SH3BP5: variants seen among roughly 807,000 people sequenced by gnomAD.
SH3BP5 encodes the protein SH3 domain binding protein 5.
SH3BP5 carries 22 observed loss-of-function variants against 43.3 expected under a neutral mutation model. The ratio of observed to expected loss-of-function variants is 0.51; its 90% CI spans 0.36 to 0.73. SH3BP5 has a LOEUF of 0.73. Among genes scored for constraint, SH3BP5 ranks in the 30% least tolerant of loss-of-function variants. The pLI is 0.00. For missense variants in SH3BP5, 529 were observed against 586.9 expected (o/e 0.90, Z 1.02); for synonymous variants, 255 against 225.8 (o/e 1.13, Z -1.16).
At chr3:15,269,114 T>A (rs543502271) in intron 4 of SH3BP5, among the ~76,000 whole-genome samples, 2 of 152,082 alleles carry the variant, frequency 1.3e-5, no homozygotes, top group South Asian at 4.1e-4. Flanking sequence ...AGAGAGGTGG[T>A]CATGAGAGCC....
intron 2 of SH3BP5, among the ~76,000 whole-genome samples, chr3:15,310,534 G>A (rs1212493431): frequency 6.6e-6 from 1 of 152,134 alleles, no homozygotes; most frequent in Non-Finnish European, 1.5e-5. Context: ...GTCCAGGGAG[G>A]AGAGTAAGCT....
In SH3BP5 at chr3:15,289,017, C is replaced by T. The variant is rs142056415; in HGVS notation, c.330+15086G>A. On this transcript the variant is annotated intron_variant, in intron 3 of 8. Transcript: ENST00000383791. Reference sequence around the variant, plus strand: ...GAGATACAGGTAGTTACCATAGATACGGAGATACAGGTAGATACAGAGATA... The same window carrying T: ...GAGATACAGGTAGTTACCATAGATATGGAGATACAGGTAGATACAGAGATA... Among the ~76,000 whole-genome samples, 29 of 152,262 alleles carry T rather than the reference C, an allele frequency of 1.9e-4. 1 individual carries two copies. The East Asian group carries it at 1.9e-3, about 10-fold the overall frequency.
chr3:15,321,455 T>A (rs1698322838), intron 2 of SH3BP5, among the ~76,000 whole-genome samples: 1 of 151,948 alleles, frequency 6.6e-6, no homozygotes, highest in Admixed American at 6.6e-5. Flanking sequence ...GTTTTTCCCA[T>A]CAGCCTTCAT....
At chr3:15,279,157 C>G (rs749332848) in intron 3 of SH3BP5, among the ~76,000 whole-genome samples, 7 of 151,664 alleles carry the variant, frequency 4.6e-5, no homozygotes, top group African/African-American at 1.7e-4. Flanking sequence ...GCAACAAGAG[C>G]GAAACTCTGT....
chr3:15,274,080 C>T (rs960474535), intron 3 of SH3BP5, among the ~76,000 whole-genome samples: 2 of 152,038 alleles, frequency 1.3e-5, no homozygotes, highest in East Asian at 3.9e-4. Context: ...ACCGTCTCTA[C>T]TAAAAATACA....
intron 1 of SH3BP5, among the ~76,000 whole-genome samples, chr3:15,340,059 T>G (rs1345522906): frequency 6.6e-6 from 1 of 152,156 alleles, no homozygotes; most frequent in Non-Finnish European, 1.5e-5. Flanking sequence ...TGACCCAGCT[T>G]GGGTTAACCA....
chr3:15,324,222 T>G (rs1204709421), intron 2 of SH3BP5, among the ~76,000 whole-genome samples: 1 of 152,218 alleles, frequency 6.6e-6, no homozygotes, highest in African/African-American at 2.4e-5. Flanking sequence ...TGTTATCTCT[T>G]CAGACTATCT....
chr3:15,301,548 G>A (rs9816187), intron 3 of SH3BP5, among the ~76,000 whole-genome samples: 7,032 of 152,198 alleles, frequency 0.046, 514 homozygotes, highest in African/African-American at 0.16. Flanking sequence ...AGCAAGGCAT[G>A]GGGGCTGGGG....
intron 1 of SH3BP5, 65 bp downstream of exon 1, chr3:15,332,206 G>T: frequency 6.5e-7 from 1 of 1,544,496 alleles, no homozygotes; most frequent in Non-Finnish European, 8.7e-7. Flanking sequence ...GGCTGTACGC[G>T]TAGACACCGA....
chr3:15,297,401 C>CT (rs1184768913), intron 3 of SH3BP5, among the ~76,000 whole-genome samples: 1 of 152,008 alleles, frequency 6.6e-6, no homozygotes. Flanking sequence ...TGGTGGTGAT[C>CT]TTTTTTTTAT....
chr3:15,296,928 C>T (rs929566273), intron 3 of SH3BP5, among the ~76,000 whole-genome samples: 1 of 151,534 alleles, frequency 6.6e-6, no homozygotes, highest in Non-Finnish European at 1.5e-5. Flanking sequence ...AACTCCTGGG[C>T]TCAAGCAATC....
At chr3:15,332,124 G>C in intron 1 of SH3BP5, 147 bp downstream of exon 1, 1 of 1,247,448 alleles carries the variant, frequency 8.0e-7, no homozygotes, top group South Asian at 1.4e-5. Flanking sequence ...ATGAAACGGA[G>C]CATACAGACC....
chr3:15,256,439 C>G, intron 8 of SH3BP5, 136 bp from the exon 9 acceptor site: 1 of 887,578 alleles, frequency 1.1e-6, no homozygotes. Context: ...TAACTCAGCC[C>G]TGTAGAAGTC....
intron 3 of SH3BP5, among the ~76,000 whole-genome samples, chr3:15,281,740 C>T (rs915922042): frequency 5.3e-5 from 8 of 152,132 alleles, no homozygotes; most frequent in Non-Finnish European, 1.0e-4. Context: ...CAGTGGCTCA[C>T]GCCTGTAATC....
rs973482763 is a variant in SH3BP5, at chr3:15,258,854, T to C, written c.866A>G (p.Lys289Arg). ...STSVEDLPGS[K>R]PEPDAISVAS... Reference sequence around the variant, plus strand: ...ACCAGAAATGGCATCAGGCTCAGGTTTGCTCCCTGGCAGATCCTCCACAGA... The same window carrying C: ...ACCAGAAATGGCATCAGGCTCAGGTCTGCTCCCTGGCAGATCCTCCACAGA... The change falls in exon 7 of 9, where the codon AAA becomes AGA. Residue 289 changes from lysine (K) to arginine (R), a missense_variant. By Grantham distance (26) the Lys-to-Arg change is conservative. Transcript: ENST00000383791. 2.5e-6 allele frequency: 4 copies of C among 1,613,988 alleles called. No homozygotes were observed. The African/African-American group carries it at 5.3e-5, about 22-fold the overall frequency.
Position 15,279,633 on chromosome 3 carries a change from A to T in SH3BP5, c.331-9756T>A, listed in dbSNP as rs557585667. Among the ~76,000 whole-genome samples, 6 of 152,288 alleles carry T rather than the reference A, an allele frequency of 3.9e-5. No homozygotes were observed. In the South Asian group the frequency reaches 1.2e-3, roughly 32 times the overall value. On this transcript the variant is annotated intron_variant, in intron 3 of 8. Transcript: ENST00000383791. ...AGGATTGCCCCAAGGTTGGTAATAG[A>T]AGCTGGATGACAAACATCCAAGGTT...
intron 3 of SH3BP5, among the ~76,000 whole-genome samples, chr3:15,280,585 C>T (rs1333436177): frequency 6.6e-6 from 1 of 152,178 alleles, no homozygotes; most frequent in Non-Finnish European, 1.5e-5. Context: ...CAGCCCCAAT[C>T]CAAGCTGCCT....
Position 15,257,152 on chromosome 3 carries a change from ACCT to A in SH3BP5, c.890-42_890-40del, listed in dbSNP as rs767520822. The A allele has an allele frequency of 1.3e-5, 20 of 1,594,604 alleles. No individual in the cohort carries two copies. In the East Asian group the frequency reaches 1.6e-4, roughly 12 times the overall value. On this transcript the variant is annotated intron_variant, in intron 7 of 8. Coordinates refer to ENST00000383791, the MANE Select transcript of SH3BP5 (RefSeq NM_004844.5). ...GAACACCAGTCACATGGGTTCTGTC[ACCT>A]CCTCAAACACCACAAGTGCTTGCTG...
upstream of SH3BP5, among the ~76,000 whole-genome samples, chr3:15,335,215 T>C (rs1012691444): frequency 6.6e-6 from 1 of 151,500 alleles, no homozygotes; most frequent in East Asian, 1.9e-4. Context: ...GACAACATGG[T>C]AAAAATACAA....
Sources: allele counts gnomAD v4.1 joint callset (sites outside exome capture counted in the v4.1 genomes callset), GRCh38; gene constraint gnomAD v4.1.1; transcripts MANE v1.5; gene names NCBI Gene and HGNC (gene_info 2026-07-23, HGNC 2026-07-21).